The following OTUD5 variants were observed in gnomAD, a reference collection of about 807,000 sequenced individuals.
The protein encoded by OTUD5 is OTU domain-containing protein 5.
Under a neutral mutation model 36.3 loss-of-function variants are expected in OTUD5, and 2 were observed. The ratio of observed to expected loss-of-function variants is 0.06; its 90% confidence interval spans 0.02 to 0.17. The LOEUF is 0.17. Ranked by LOEUF, OTUD5 falls within the 10% of genes least tolerant of loss-of-function variation. The pLI, the probability that OTUD5 is intolerant of heterozygous loss-of-function variation, is 1.00. For synonymous variants in OTUD5, 234 were observed against 214.9 expected, an observed-to-expected ratio of 1.09 and a Z score of -0.78; for missense variants, 233 against 512.3, an observed-to-expected ratio of 0.45 and a Z score of 5.26.
intron 2 of OTUD5, among the ~76,000 whole-genome samples, chrX:48,937,403 TCA>T (rs781885060): frequency 8.9e-6 from 1 of 112,130 alleles, no homozygotes; most frequent in Admixed American, 9.4e-5. Flanking sequence ...CTGGCCAGGC[TCA>T]GAGAGATAGG....
At position 48,947,601 on chromosome X, in the gene OTUD5, G is replaced by A. The variant is rs1172797044; in HGVS notation, c.595-3318C>T. 3.7e-5 allele frequency among the ~76,000 whole-genome samples: 4 copies of A among 109,385 alleles called. No homozygotes were observed. The East Asian group carries it at 1.1e-3, about 31-fold the overall frequency. The allele number at this position is 109,385 out of a possible 115,157, so 95.0% of individuals were successfully genotyped here. A position where few individuals can be genotyped will look rare whatever the true frequency, so the allele number is the denominator to read the frequency against. On this transcript the variant is annotated intron_variant, in intron 1 of 8. Coordinates refer to ENST00000376488, the MANE Select transcript of OTUD5 (RefSeq NM_001136157.2). ...GCCTGTAATCCCAGCTACTCGGGAG[G>A]CTGAGGCAGGAGAATCGCTTGAACC... is the stretch of plus-strand genomic sequence containing the variant.
chrX:48,926,936 G>C (rs2063676164), intron 5 of OTUD5, among the ~76,000 whole-genome samples: 1 of 111,352 alleles, frequency 9.0e-6, no homozygotes, highest in Non-Finnish European at 1.9e-5. Flanking sequence ...GAAAATATCA[G>C]AATATATCCC....
In OTUD5 at chrX:48,934,993, G is replaced by A. The variant is rs2063808080; in HGVS notation, c.714C>T (p.Asp238=). 8.3e-7 allele frequency: 1 copy of A among 1,211,130 alleles called. No individual in the cohort carries two copies. ...AATGCTTTCGCACAACCTCATGCAT[G>A]TCCTGGTCTCCATACACCTGGTCAG... is the stretch of plus-strand genomic sequence containing the variant. ...AVADQVYGDQ[D]MHEVVRKHCM... Residue 238 remains aspartate, a synonymous_variant, in exon 3 of 9, where the codon GAC becomes GAT. Coordinates refer to ENST00000376488, the MANE Select transcript of OTUD5 (RefSeq NM_001136157.2).
At chrX:48,936,831 T>C (rs1195116641) in intron 2 of OTUD5, among the ~76,000 whole-genome samples, 2 of 111,673 alleles carry the variant, frequency 1.8e-5, no homozygotes, top group Non-Finnish European at 3.8e-5. Flanking sequence ...TTTTGGGAAT[T>C]TCCCTTTGTT....
chrX:48,956,171 C>G (rs2064234616), intron 1 of OTUD5, among the ~76,000 whole-genome samples: 1 of 112,182 alleles, frequency 8.9e-6, no homozygotes, highest in Non-Finnish European at 1.9e-5. Context: ...ACCTTTGTCA[C>G]TCAGAAAGGA....
At chrX:48,931,456 C>A (rs186471451) in intron 5 of OTUD5, among the ~76,000 whole-genome samples, 1 of 112,431 alleles carries the variant, frequency 8.9e-6, no homozygotes, top group African/African-American at 3.2e-5. Context: ...GATAAAGGGG[C>A]CTAAGGAGGC....
chrX:48,941,375 G>A (rs185710041), intron 2 of OTUD5, among the ~76,000 whole-genome samples: 69 of 99,294 alleles, frequency 6.9e-4, no homozygotes, highest in Non-Finnish European at 1.1e-3. Context: ...AGGTTGCAGT[G>A]AGCCGAGATC....
chrX:48,956,823 G>A (rs1380755189), intron 1 of OTUD5, among the ~76,000 whole-genome samples, 154 bp downstream of exon 1: 2 of 111,181 alleles, frequency 1.8e-5, no homozygotes, highest in Non-Finnish European at 3.8e-5. Context: ...GAGGAAAGAA[G>A]GTGTCTCACA....
chrX:48,930,067 G>A (rs782772642), intron 5 of OTUD5, among the ~76,000 whole-genome samples: 2 of 110,898 alleles, frequency 1.8e-5, no homozygotes, highest in East Asian at 2.8e-4. Flanking sequence ...TCACGCCACT[G>A]CACTCCAGCC....
At chrX:48,953,548 C>T (rs1187628388) in intron 1 of OTUD5, among the ~76,000 whole-genome samples, 1 of 111,415 alleles carries the variant, frequency 9.0e-6, no homozygotes, top group Non-Finnish European at 1.9e-5. Flanking sequence ...CCTGGTTCAT[C>T]CAGCAAAGCC....
At chrX:48,950,404 C>G (rs191369751) in intron 1 of OTUD5, among the ~76,000 whole-genome samples, 59 of 110,522 alleles carry the variant, frequency 5.3e-4, no homozygotes, top group African/African-American at 1.7e-3. Flanking sequence ...CCACGAGAGG[C>G]TAGAGAAGGT....
intron 1 of OTUD5, among the ~76,000 whole-genome samples, chrX:48,953,710 T>G (rs2064185134): frequency 9.0e-6 from 1 of 110,927 alleles, no homozygotes; most frequent in Non-Finnish European, 1.9e-5. Context: ...GAGCAGACTC[T>G]CAGCAAGGCA....
intron 5 of OTUD5, among the ~76,000 whole-genome samples, chrX:48,928,750 C>T (rs2063703178): frequency 9.8e-6 from 1 of 101,528 alleles, no homozygotes; most frequent in Non-Finnish European, 2.0e-5. Flanking sequence ...GGGAGGATTG[C>T]TTAAACCCAG....
rs782453996 is a variant in OTUD5 at position 48,923,646 on chromosome X, G to T, written c.1566C>A (p.Ser522=). 1 of 1,197,346 alleles carries T rather than the reference G, an allele frequency of 8.4e-7. No homozygotes were observed. Among genetic ancestry groups the T allele is most frequent in the Admixed American group, 2.2e-5 (1 of 45,608 alleles). ...AAGGAGGCTTACCAAAGGCAGAGGG[G>T]GACATCTGCTGAATGAGGGCCCGGC... ...LECRALIQQM[S]PSAFGLNDWD... Residue 522 remains serine, a synonymous_variant, in exon 8 of 9, where the codon TCC becomes TCA. Transcript: ENST00000376488.
At chrX:48,946,293 C>A (rs2064028371) in intron 1 of OTUD5, among the ~76,000 whole-genome samples, 1 of 112,016 alleles carries the variant, frequency 8.9e-6, no homozygotes, top group Non-Finnish European at 1.9e-5. Context: ...ATCTACCGGA[C>A]AGAGCTGTGA....
At chrX:48,943,731 C>G (rs782816473) in intron 2 of OTUD5, among the ~76,000 whole-genome samples, 1 of 111,011 alleles carries the variant, frequency 9.0e-6, no homozygotes, top group Non-Finnish European at 1.9e-5. Context: ...GTCATACAGC[C>G]CAGGGTGGCA....
At chrX:48,950,537 CTTTT>C (rs781905691) in intron 1 of OTUD5, among the ~76,000 whole-genome samples, 4 of 83,069 alleles carry the variant, frequency 4.8e-5, no homozygotes, top group African/African-American at 9.1e-5. Flanking sequence ...TTCTCTCTCT[CTTTT>C]TTTTTTTTTT....
intron 1 of OTUD5, among the ~76,000 whole-genome samples, chrX:48,956,451 G>A (rs1379809999): frequency 1.8e-5 from 2 of 111,314 alleles, no homozygotes; most frequent in African/African-American, 6.5e-5. Flanking sequence ...AAGCGGGAGA[G>A]GATTGTCCTA....
At chrX:48,956,926 C>T (rs782466857) in intron 1 of OTUD5, 51 bp downstream of exon 1, 1 of 1,082,900 alleles carries the variant, frequency 9.2e-7, no homozygotes, top group Non-Finnish European at 1.2e-6. Context: ...CCTTCACAGT[C>T]TGGGGGTCCC....
Sources: allele counts gnomAD v4.1 joint callset (sites outside exome capture counted in the v4.1 genomes callset), GRCh38; gene constraint gnomAD v4.1.1; transcripts MANE v1.5; gene names NCBI Gene and HGNC (gene_info 2026-07-23, HGNC 2026-07-21).